SPTAN1: variants seen among roughly 807,000 people sequenced by gnomAD.
SPTAN1 encodes spectrin alpha chain, non-erythrocytic 1.
A neutral mutation model predicts 331.3 loss-of-function variants in SPTAN1; 61 were observed. The ratio of observed to expected loss-of-function variants is 0.18; its 90% CI spans 0.15 to 0.23. The LOEUF (loss-of-function observed/expected upper bound fraction) is 0.23, where lower values mean the gene tolerates loss of function less well. Ranked by LOEUF, SPTAN1 falls within the 10% of genes least tolerant of loss-of-function variation. The pLI, the probability that SPTAN1 is intolerant of heterozygous loss-of-function variation, is 1.00. For synonymous variants in SPTAN1, 1,153 were observed against 1,173.9 expected (o/e 0.98, Z 0.36); for missense variants, 2,043 against 3,147.9 (o/e 0.65, Z 8.40).
At chr9:128,581,149 A>G in intron 11 of SPTAN1, 90 bp downstream of exon 11, 1 of 1,553,766 alleles carries the variant, frequency 6.4e-7, no homozygotes. Flanking sequence ...GTTTTAGGAC[A>G]TCAGTACCAT....
chr9:128,595,720 C>T lies in SPTAN1; in HGVS notation c.3414+1347C>T, dbSNP rs80039019. Among the ~76,000 whole-genome samples, 429 of 152,260 alleles carry T rather than the reference C, an allele frequency of 2.8e-3. 10 individuals are homozygous for T. The East Asian group carries it at 0.041, about 15-fold the overall frequency. ...GCATTCATTTGCCATTCTCCCTAAC[C>T]CCAGTGGCCCACGCAGCCACTCATC... On this transcript the variant is annotated intron_variant, in intron 24 of 56. Coordinates refer to ENST00000372739, the MANE Select transcript of SPTAN1 (RefSeq NM_001130438.3).
In SPTAN1 at chr9:128,627,708, C is replaced by G; in HGVS notation, c.6689+210C>G. The G allele has an allele frequency of 1.3e-6, 1 of 791,258 alleles. No individual in the cohort carries two copies. Among genetic ancestry groups the G allele is most frequent in the Non-Finnish European group, 2.2e-6 (1 of 456,094 alleles). The allele number at this position is 791,258 out of a possible 1,614,324, so 49.0% of individuals were successfully genotyped here. On this transcript the variant is annotated intron_variant, in intron 50 of 56. Coordinates refer to ENST00000372739, the MANE Select transcript of SPTAN1 (RefSeq NM_001130438.3). The surrounding 1 kb of genome is among the most constrained non-coding windows in gnomAD (Gnocchi z 4.9). ...TCTCAGTGCTGCATGTCCCAGACAT[C>G]AAGTTGTTAGAGATCCCGGATTGAG...
intron 37 of SPTAN1, among the ~76,000 whole-genome samples, chr9:128,610,951 TTA>T (rs1356978309): frequency 2.6e-5 from 4 of 152,232 alleles, no homozygotes; most frequent in African/African-American, 9.6e-5. Context: ...TTATTACAAT[TTA>T]TGTTATGAAT....
chr9:128,584,691 G>T lies in SPTAN1; in HGVS notation c.2438-30G>T, dbSNP rs1423499724. 3 of 1,614,072 alleles carry T rather than the reference G, an allele frequency of 1.9e-6. No homozygotes were observed. The South Asian group carries it at 3.3e-5, about 18-fold the overall frequency. On this transcript the variant is annotated intron_variant, in intron 17 of 56. Coordinates refer to ENST00000372739, the MANE Select transcript of SPTAN1 (RefSeq NM_001130438.3). ...AGTGCTGACTTTTCTCTTCATGGTT[G>T]GATAACTGGGGACTGGTGTCTGCTT...
Position 128,566,908 on chromosome 9 carries a change from G to A in SPTAN1, c.168G>A (p.Leu56=). The change falls in exon 2 of 57, where the codon CTG becomes CTA. Residue 56 remains leucine (L), a synonymous_variant. Transcript: ENST00000372739. ...TCTTTCAAAGAGATGCTGAAGAGCT[G>A]GAGAAATGGATACAGGAAAAACTTC... The part of the protein sequence containing the change: ...FQFFQRDAEE[L]EKWIQEKLQI... 1 of 1,614,132 alleles carries A rather than the reference G, an allele frequency of 6.2e-7. No homozygotes were observed. The highest frequency in any genetic ancestry group is 8.5e-7 in the Non-Finnish European group (1 of 1,180,006).
At chr9:128,617,812 A>G (rs1405961470) in intron 42 of SPTAN1, 52 bp downstream of exon 42, 1 of 1,612,538 alleles carries the variant, frequency 6.2e-7, no homozygotes, top group South Asian at 1.1e-5. Context: ...AGTGGGCCCC[A>G]GGGGACAGAC....
chr9:128,562,410 A>G (rs2132831132), intron 1 of SPTAN1, among the ~76,000 whole-genome samples: 1 of 152,098 alleles, frequency 6.6e-6, no homozygotes, highest in Non-Finnish European at 1.5e-5. Flanking sequence ...CGAGATCTGT[A>G]TGATATTAGA....
intron 1 of SPTAN1, among the ~76,000 whole-genome samples, chr9:128,559,299 G>C (rs1008207782): frequency 1.3e-5 from 2 of 152,190 alleles, no homozygotes; most frequent in Non-Finnish European, 2.9e-5. Context: ...TGTCTCTCTG[G>C]ATTGGCAGGA....
intron 26 of SPTAN1, 33 bp downstream of exon 26, chr9:128,599,019 C>CA: frequency 6.2e-7 from 1 of 1,607,460 alleles, no homozygotes; most frequent in African/African-American, 1.3e-5. Flanking sequence ...GGATCTTGAA[C>CA]ATGAGAAGGA....
intron 1 of SPTAN1, among the ~76,000 whole-genome samples, chr9:128,557,374 A>G (rs1469285520): frequency 2.0e-5 from 3 of 152,108 alleles, no homozygotes; most frequent in Admixed American, 6.5e-5. Context: ...CCATAGAGAA[A>G]CTGACTGCAC....
chr9:128,608,724 C>A, intron 34 of SPTAN1, 150 bp from the exon 35 acceptor site: 2 of 813,946 alleles, frequency 2.5e-6, no homozygotes, highest in South Asian at 1.4e-5. Flanking sequence ...TGGCATTTTA[C>A]ACTCTTGCTT....
At position 128,561,786 on chromosome 9, in the gene SPTAN1, G is replaced by C. The variant is rs984670005; in HGVS notation, c.-3-4952G>C. Among the ~76,000 whole-genome samples, 4 of 150,752 alleles carry C rather than the reference G, an allele frequency of 2.7e-5. No individual in the cohort carries two copies. The Admixed American group carries it at 2.7e-4, about 10-fold the overall frequency. ...AGGATCCCAGGTCATCCTGGCCTTT[G>C]CAACTTGCTTACTAAATTACCTGTC... On this transcript the variant is annotated intron_variant, in intron 1 of 56. Coordinates refer to ENST00000372739, the MANE Select transcript of SPTAN1 (RefSeq NM_001130438.3).
chr9:128,585,329 C>T (rs764350590), intron 18 of SPTAN1, among the ~76,000 whole-genome samples: 38 of 152,088 alleles, frequency 2.5e-4, no homozygotes, highest in Non-Finnish European at 4.9e-4. Flanking sequence ...GCGCCTGGCT[C>T]CGAGCCTGAA....
intron 41 of SPTAN1, among the ~76,000 whole-genome samples, chr9:128,616,246 G>C (rs889101639): frequency 2.6e-5 from 4 of 151,328 alleles, no homozygotes; most frequent in African/African-American, 9.7e-5. Context: ...ATGGAGTCTC[G>C]CTCTGTCACC....
At chr9:128,594,777 A>C (rs934577035) in intron 24 of SPTAN1, among the ~76,000 whole-genome samples, 4 of 145,010 alleles carry the variant, frequency 2.8e-5, no homozygotes, top group Admixed American at 6.9e-5. Context: ...TGCAAATTAC[A>C]TAGATTATAT....
chr9:128,598,704 G>C, intron 25 of SPTAN1, 200 bp downstream of exon 25: 1 of 662,300 alleles, frequency 1.5e-6, no homozygotes, highest in Non-Finnish European at 2.7e-6. Flanking sequence ...GGTTTGGAGG[G>C]GGGTGGGGGC....
intron 52 of SPTAN1, 74 bp downstream of exon 52, chr9:128,630,449 T>C: frequency 6.6e-7 from 1 of 1,503,854 alleles, no homozygotes; most frequent in Non-Finnish European, 9.2e-7. Context: ...CTTCCCTTCC[T>C]GGCTTAAAGT....
intron 52 of SPTAN1, chr9:128,630,783 C>T (rs1589409421): frequency 4.7e-6 from 1 of 212,110 alleles, no homozygotes; most frequent in East Asian, 1.2e-4. Context: ...TGGCTCACTG[C>T]AACCTCCACC....
At chr9:128,576,470 A>G (rs1247399445) in intron 5 of SPTAN1, among the ~76,000 whole-genome samples, 1 of 152,252 alleles carries the variant, frequency 6.6e-6, no homozygotes, top group Admixed American at 6.5e-5. Flanking sequence ...CCTCATGAAC[A>G]TCTGAAATAC....
Sources: allele counts gnomAD v4.1 joint callset (sites outside exome capture counted in the v4.1 genomes callset), GRCh38; gene constraint gnomAD v4.1.1; non-coding constraint Gnocchi (gnomAD v3.1); transcripts MANE v1.5; gene names NCBI Gene and HGNC (gene_info 2026-07-23, HGNC 2026-07-21).